The following DAB1 variants were observed in gnomAD, a reference collection of about 807,000 sequenced individuals.
DAB1 encodes disabled homolog 1.
Under a neutral mutation model 64.6 loss-of-function variants are expected in DAB1, and 15 were observed. The observed-to-expected ratio is 0.23, with a 90% confidence interval of 0.16 to 0.36. The LOEUF (loss-of-function observed/expected upper bound fraction) is 0.36, where lower values mean the gene tolerates loss of function less well. Ranked by LOEUF, DAB1 falls within the 10% of genes least tolerant of loss-of-function variation. The probability of loss-of-function intolerance (pLI) is 1.00; values close to 1 mark genes in which losing one functional copy is unlikely to be tolerated. For missense variants in DAB1, 596 were observed against 706.7 expected (o/e 0.84, Z 1.78); for synonymous variants, 235 against 251.9 (o/e 0.93, Z 0.64).
upstream of DAB1, among the ~76,000 whole-genome samples, chr1:57,428,858 A>AAAC (rs1553181026): frequency 2.8e-3 from 383 of 135,244 alleles, 4 homozygotes; most frequent in African/African-American, 6.9e-3. Context: ...AAAAAAAAAA[A>AAAC]AACAGCAACC....
At chr1:57,627,526 A>G (rs1197792351) in intron 7 of DAB1, among the ~76,000 whole-genome samples, 1 of 152,208 alleles carries the variant, frequency 6.6e-6, no homozygotes, top group Non-Finnish European at 1.5e-5. Context: ...TACTCATGAC[A>G]TATGAAATGG....
intron 3 of DAB1, among the ~76,000 whole-genome samples, chr1:58,490,868 C>T (rs1444624389): frequency 2.3e-5 from 3 of 130,944 alleles, no homozygotes; most frequent in Admixed American, 9.2e-5. Flanking sequence ...TGCAGTGGCG[C>T]GATCTCGGCT....
At chr1:57,072,238 C>T (rs374420168) in intron 5 of DAB1, 45 bp downstream of exon 5, 1 of 1,608,146 alleles carries the variant, frequency 6.2e-7, no homozygotes, top group South Asian at 1.1e-5. Flanking sequence ...GACTGTCCCC[C>T]CAGAGTTCCA....
intron 5 of DAB1, among the ~76,000 whole-genome samples, chr1:57,939,853 G>A (rs930461821): frequency 3.5e-4 from 54 of 152,178 alleles, no homozygotes; most frequent in African/African-American, 1.3e-3. Context: ...GGCCAAGCCT[G>A]TATTCTTACC....
chr1:57,941,252 G>T (rs923911199), intron 5 of DAB1, among the ~76,000 whole-genome samples: 10 of 152,320 alleles, frequency 6.6e-5, no homozygotes, highest in Middle Eastern at 3.4e-3. Flanking sequence ...ACTGGAGATG[G>T]TCCATAGTTT....
Position 57,244,872 on chromosome 1 carries a change from G to T in DAB1, c.67+46092C>A, listed in dbSNP as rs567316367. Among the ~76,000 whole-genome samples, 79 of 152,342 alleles carry T rather than the reference G, an allele frequency of 5.2e-4. 1 individual carries two copies. The highest frequency in any genetic ancestry group is 5.8e-4 in the East Asian group (3 of 5,188). On this transcript the variant is annotated intron_variant, in intron 2 of 14. Coordinates refer to ENST00000371236, the MANE Select transcript of DAB1 (RefSeq NM_001365792.1). The stretch of plus-strand genomic sequence containing the variant: ...TAAACTAACGTAGCGTTCTGATATG[G>T]TTTAACTCTGTGTCCTTACCCAAAT...
intron 7 of DAB1, among the ~76,000 whole-genome samples, chr1:57,579,890 A>G (rs1645291762): frequency 6.6e-6 from 1 of 152,194 alleles, no homozygotes; most frequent in African/African-American, 2.4e-5. Flanking sequence ...CATTACACTC[A>G]CAGTTCTCTG....
intron 6 of DAB1, among the ~76,000 whole-genome samples, chr1:57,807,709 T>C (rs987421789): frequency 1.3e-5 from 2 of 152,116 alleles, no homozygotes; most frequent in East Asian, 1.9e-4. Context: ...AAAGTTACAC[T>C]GAGTGTGCCC....
At chr1:57,782,288 C>T (rs1337850517) in intron 6 of DAB1, among the ~76,000 whole-genome samples, 4 of 152,096 alleles carry the variant, frequency 2.6e-5, no homozygotes, top group Non-Finnish European at 2.9e-5. Flanking sequence ...TACACTGGTC[C>T]CGTATTTTAC....
chr1:57,139,968 T>A (rs1658443223), intron 3 of DAB1, among the ~76,000 whole-genome samples: 1 of 152,170 alleles, frequency 6.6e-6, no homozygotes, highest in African/African-American at 2.4e-5. Context: ...TTATCAAGCA[T>A]GTTTTTCTTG....
At chr1:57,543,374 T>G (rs1019912888) in intron 7 of DAB1, among the ~76,000 whole-genome samples, 1 of 152,150 alleles carries the variant, frequency 6.6e-6, no homozygotes, top group Non-Finnish European at 1.5e-5. Flanking sequence ...CTGAGTGATA[T>G]ACCAGAGATC....
chr1:57,139,487 C>T (rs1275033908), intron 3 of DAB1, among the ~76,000 whole-genome samples: 1 of 152,118 alleles, frequency 6.6e-6, no homozygotes, highest in Admixed American at 6.6e-5. Flanking sequence ...TACAGCAGCA[C>T]AAACGGACTA....
chr1:58,357,386 T>G (rs1644121824), intron 3 of DAB1, among the ~76,000 whole-genome samples: 1 of 152,052 alleles, frequency 6.6e-6, no homozygotes, highest in African/African-American at 2.4e-5. Context: ...ACATGGTGGG[T>G]GGTGGTGCCG....
chr1:57,151,807 ATTTTTTTTTTT>A (rs34012935), intron 2 of DAB1, among the ~76,000 whole-genome samples: 1 of 106,252 alleles, frequency 9.4e-6, no homozygotes, highest in Non-Finnish European at 1.8e-5. Context: ...CTAATGTTTA[ATTTTTTTTTTT>A]TTTTTTTTTT....
intron 5 of DAB1, among the ~76,000 whole-genome samples, chr1:58,018,110 G>T (rs1465147793): frequency 2.3e-5 from 3 of 131,988 alleles, no homozygotes. Flanking sequence ...GCTTTTTACT[G>T]CATTCTAAGT....
intron 7 of DAB1, among the ~76,000 whole-genome samples, chr1:57,607,081 G>A (rs1018884973): frequency 2.0e-5 from 3 of 151,836 alleles, no homozygotes; most frequent in Non-Finnish European, 4.4e-5. Context: ...GAGCCACCAT[G>A]CCCAGCCTAA....
At chr1:57,757,203 T>TG (rs1648852951) in intron 6 of DAB1, among the ~76,000 whole-genome samples, 1 of 87,598 alleles carries the variant, frequency 1.1e-5, no homozygotes. Context: ...GCAGAATTTT[T>TG]TTTTTTTTTT....
intron 6 of DAB1, among the ~76,000 whole-genome samples, chr1:57,691,789 G>A (rs576037138): frequency 1.3e-5 from 2 of 152,076 alleles, no homozygotes; most frequent in African/African-American, 2.4e-5. Context: ...TGGCAACCAC[G>A]AAGGAACTAT....
intron 4 of DAB1, among the ~76,000 whole-genome samples, chr1:58,249,057 A>T (rs1477338286): frequency 6.6e-6 from 1 of 152,062 alleles, no homozygotes; most frequent in Non-Finnish European, 1.5e-5. Flanking sequence ...TCTGAAAGAG[A>T]GGAAAGGAGG....
Sources: allele counts gnomAD v4.1 joint callset (sites outside exome capture counted in the v4.1 genomes callset), GRCh38; gene constraint gnomAD v4.1.1; transcripts MANE v1.5; gene names NCBI Gene and HGNC (gene_info 2026-07-23, HGNC 2026-07-21).